TTC28: variants seen among roughly 807,000 people sequenced by gnomAD.
TTC28 encodes the protein tetratricopeptide repeat domain 28.
Under a neutral mutation model 198.0 loss-of-function variants are expected in TTC28, and 61 were observed. The ratio of observed to expected loss-of-function variants is 0.31; its 90% CI spans 0.25 to 0.38. TTC28 has a LOEUF of 0.38. Ranked by LOEUF, TTC28 falls within the 10% of genes least tolerant of loss-of-function variation. TTC28 has a pLI of 1.00. For missense variants in TTC28, 2,678 were observed against 3,164.0 expected, an observed-to-expected ratio of 0.85 and a Z score of 3.69; for synonymous variants, 1,171 against 1,297.8, an observed-to-expected ratio of 0.90 and a Z score of 2.10.
At chr22:28,429,762 G>C (rs887718705) in intron 2 of TTC28, among the ~76,000 whole-genome samples, 1 of 152,120 alleles carries the variant, frequency 6.6e-6, no homozygotes, top group African/African-American at 2.4e-5. Context: ...AAAGTAGACA[G>C]AATTCTGTCT....
intron 12 of TTC28, among the ~76,000 whole-genome samples, chr22:28,053,634 A>ACTGTAC (rs1198989343): frequency 6.6e-6 from 1 of 152,194 alleles, no homozygotes; most frequent in Admixed American, 6.5e-5. Context: ...GAAACCCTGA[A>ACTGTAC]CTGTACCCTT....
chr22:28,168,380 A>C (rs1922264541), intron 5 of TTC28, among the ~76,000 whole-genome samples: 2 of 152,248 alleles, frequency 1.3e-5, no homozygotes, highest in Admixed American at 1.3e-4. Flanking sequence ...CTTAAGCCAA[A>C]AGAGCAAAGC....
At chr22:28,146,414 G>C (rs769863175) in intron 6 of TTC28, among the ~76,000 whole-genome samples, 1 of 152,208 alleles carries the variant, frequency 6.6e-6, no homozygotes, top group Non-Finnish European at 1.5e-5. Context: ...GACACAAAGA[G>C]GATGTCTTTC....
chr22:28,502,714 A>C (rs1435312056), intron 2 of TTC28, among the ~76,000 whole-genome samples: 1 of 152,114 alleles, frequency 6.6e-6, no homozygotes, highest in Non-Finnish European at 1.5e-5. Flanking sequence ...AGCTTTCCTC[A>C]AGATTCTGAC....
intron 2 of TTC28, among the ~76,000 whole-genome samples, chr22:28,561,597 A>G (rs1261071543): frequency 6.6e-6 from 1 of 152,178 alleles, no homozygotes; most frequent in African/African-American, 2.4e-5. Context: ...TGTGAAAAAC[A>G]CCTCAACAGT....
intron 2 of TTC28, among the ~76,000 whole-genome samples, chr22:28,399,881 C>A (rs2046876961): frequency 6.6e-6 from 1 of 152,040 alleles, no homozygotes; most frequent in African/African-American, 2.4e-5. Flanking sequence ...CTTCAACAGG[C>A]AATTTTTAAA....
chr22:28,141,797 C>A (rs868540738), intron 6 of TTC28, among the ~76,000 whole-genome samples: 1 of 152,088 alleles, frequency 6.6e-6, no homozygotes, highest in South Asian at 2.1e-4. Context: ...CCATTTAATA[C>A]CAAAACAAAC....
intron 2 of TTC28, among the ~76,000 whole-genome samples, chr22:28,395,637 A>C (rs970988086): frequency 1.8e-4 from 9 of 48,840 alleles, no homozygotes; most frequent in South Asian, 1.8e-3. Flanking sequence ...CAAACAAACA[A>C]AAAAAAAAAA....
At chr22:28,065,805 A>G (rs1427584700) in intron 12 of TTC28, among the ~76,000 whole-genome samples, 1 of 152,254 alleles carries the variant, frequency 6.6e-6, no homozygotes, top group Admixed American at 6.5e-5. Context: ...GGCTCTGTCC[A>G]TGTGAGAAAG....
chr22:28,512,979 A>ATTTTT (rs695729), intron 2 of TTC28, among the ~76,000 whole-genome samples: 1,595 of 125,820 alleles, frequency 0.013, 40 homozygotes, highest in Non-Finnish European at 0.019. Context: ...TTTAACCTGG[A>ATTTTT]TTTTTTTTTT....
At chr22:28,056,905 T>C (rs934962831) in intron 12 of TTC28, among the ~76,000 whole-genome samples, 1 of 152,344 alleles carries the variant, frequency 6.6e-6, no homozygotes, top group African/African-American at 2.4e-5. Flanking sequence ...TATGCTCTTC[T>C]GGGTAAGGTT....
In TTC28 at chr22:28,386,306, A is replaced by AAAAAAAAAG. The variant is rs2046592205; in HGVS notation, c.382-79664_382-79663insCTTTTTTTT. 1.7e-5 allele frequency among the ~76,000 whole-genome samples: 2 copies of AAAAAAAAAG among 120,164 alleles called. 1 individual carries two copies. The highest frequency in any genetic ancestry group is 4.5e-4 in the East Asian group (2 of 4,484). The allele number at this position is 120,164 out of a possible 152,430, so 78.8% of individuals were successfully genotyped here. A position where few individuals can be genotyped will look rare whatever the true frequency, so the allele number is the denominator to read the frequency against. On this transcript the variant is annotated intron_variant, in intron 2 of 22. Transcript: ENST00000397906. ...AAAAAAAAAAAAAAAAAAAAAAAAA[A>AAAAAAAAAG]GAAGGCTTCACCAGTTTTAGCAGTT...
intron 5 of TTC28, among the ~76,000 whole-genome samples, chr22:28,282,188 T>C (rs2044596628): frequency 6.6e-6 from 1 of 152,230 alleles, no homozygotes; most frequent in Non-Finnish European, 1.5e-5. Context: ...GTTTTATATT[T>C]TGCCCACAGT....
intron 2 of TTC28, among the ~76,000 whole-genome samples, chr22:28,354,454 T>C (rs1392247303): frequency 6.6e-6 from 1 of 152,134 alleles, no homozygotes; most frequent in Non-Finnish European, 1.5e-5. Context: ...GTTTCCCTTA[T>C]ACAGGGTACC....
chr22:28,519,271 G>T (rs542462802), intron 2 of TTC28, among the ~76,000 whole-genome samples: 195 of 152,068 alleles, frequency 1.3e-3, no homozygotes, highest in Non-Finnish European at 2.3e-3. Context: ...TAATTCAAAG[G>T]TCTTATTTCT....
chr22:28,001,467 G>A lies in TTC28; in HGVS notation c.4305C>T (p.Ala1435=). The A allele has an allele frequency of 6.4e-6, 10 of 1,551,626 alleles. No homozygotes were observed. Among genetic ancestry groups the A allele is most frequent in the South Asian group, 3.6e-5 (3 of 84,062 alleles). ...CATTGGAGGAGCTTCCCTTCAGGAGGGCGAAAGGAATGAGGTAGAGCTCCC... is the reference window on the plus strand; with the variant it reads ...CATTGGAGGAGCTTCCCTTCAGGAGAGCGAAAGGAATGAGGTAGAGCTCCC... ...LEGELYLIPF[A]LLKGSSSNEY... The change falls in exon 15 of 23, where the codon GCC becomes GCT. Residue 1435 remains alanine, a synonymous_variant. Coordinates refer to ENST00000397906, the MANE Select transcript of TTC28 (RefSeq NM_001145418.2).
intron 2 of TTC28, among the ~76,000 whole-genome samples, chr22:28,566,609 TC>T (rs1173882098): frequency 1.6e-4 from 25 of 152,274 alleles, no homozygotes; most frequent in African/African-American, 5.5e-4. Flanking sequence ...TCTCTTTCAT[TC>T]CCTTTAAACA....
chr22:28,025,570 C>A (rs960575425), intron 13 of TTC28, among the ~76,000 whole-genome samples: 2 of 152,102 alleles, frequency 1.3e-5, no homozygotes, highest in African/African-American at 4.8e-5. Context: ...CAGGGTGGCC[C>A]ACATGTACGT....
intron 2 of TTC28, among the ~76,000 whole-genome samples, chr22:28,343,901 A>G (rs1020980021): frequency 6.6e-6 from 1 of 152,226 alleles, no homozygotes; most frequent in Non-Finnish European, 1.5e-5. Context: ...GAGGAAGGAC[A>G]AAGAAAAGGA....
Sources: gnomAD v4.1 joint callset for allele counts (sites outside exome capture counted in the v4.1 genomes callset) on GRCh38, gnomAD v4.1.1 for gene constraint, MANE v1.5 for transcripts, NCBI Gene and HGNC (gene_info 2026-07-23, HGNC 2026-07-21) for gene names.